Variants in ATP1B2 observed in about 807,000 individuals in gnomAD.
ATP1B2 encodes the protein ATPase Na+/K+ transporting subunit beta 2, also known as sodium/potassium-transporting ATPase subunit beta-2.
A neutral mutation model predicts 37.3 loss-of-function variants in ATP1B2; 12 were observed. That is an observed-to-expected ratio of 0.32 (90% CI 0.21 to 0.52). The LOEUF (loss-of-function observed/expected upper bound fraction) is 0.52. ATP1B2 is among the 20% of genes least tolerant of loss of function. The probability of loss-of-function intolerance (pLI) is 0.96; values close to 1 mark genes in which losing one functional copy is unlikely to be tolerated. For synonymous variants in ATP1B2, 139 were observed against 140.5 expected (o/e 0.99, Z 0.07); for missense variants, 324 against 391.6 (o/e 0.83, Z 1.46).
upstream of ATP1B2, among the ~76,000 whole-genome samples, chr17:7,649,828 G>A (rs769677743): frequency 2.0e-5 from 3 of 152,070 alleles, no homozygotes; most frequent in Non-Finnish European, 4.4e-5. Context: ...AAAGTGCTGG[G>A]ATTACTGGCG....
At chr17:7,646,698 T>C (rs1382871706), upstream of ATP1B2, 1 of 152,056 alleles carries the variant, frequency 6.6e-6, no homozygotes, top group East Asian at 1.9e-4. Flanking sequence ...CAGATGAGTA[T>C]AAGGTAAGCA....
At chr17:7,651,940 G>C (rs1054652270) in intron 1 of ATP1B2, among the ~76,000 whole-genome samples, 9 of 152,068 alleles carry the variant, frequency 5.9e-5, no homozygotes, top group Non-Finnish European at 1.2e-4. Flanking sequence ...CGCTCCACAC[G>C]GGCGTCCCCC....
At chr17:7,653,773 T>A in intron 2 of ATP1B2, 68 bp from the exon 3 acceptor site, 2 of 1,499,298 alleles carry the variant, frequency 1.3e-6, no homozygotes, top group South Asian at 2.3e-5. Context: ...CCTGTGTCCA[T>A]TTTCTTCCCT....
chr17:7,650,417 T>TG (rs1375752294), upstream of ATP1B2, among the ~76,000 whole-genome samples: 2 of 152,112 alleles, frequency 1.3e-5, no homozygotes, highest in Non-Finnish European at 2.9e-5. Context: ...AACGTCCCTC[T>TG]GGGGGTGGCC....
In ATP1B2 at chr17:7,651,229, G is replaced by A. The variant is rs984056134; in HGVS notation, c.-290G>A. The A allele has an allele frequency of 1.8e-5, 7 of 392,808 alleles. No homozygotes were observed. Among genetic ancestry groups the A allele is most frequent in the Non-Finnish European group, 3.3e-5 (7 of 212,348 alleles). The allele number at this position is 392,808 out of a possible 1,614,324, so 24.3% of individuals were successfully genotyped here. The stretch of plus-strand genomic sequence containing the variant: ...TCTAGACGGTTTGGTGGGGGGTGAA[G>A]CTGCATTCATACCCCTTCCTCTTGT... On this transcript the variant is annotated 5_prime_UTR_variant, in exon 1 of 7. Coordinates refer to ENST00000250111, the MANE Select transcript of ATP1B2 (RefSeq NM_001678.5).
chr17:7,656,841 T>G lies in ATP1B2; in HGVS notation c.*946T>G, dbSNP rs1455638190. On this transcript the variant is annotated 3_prime_UTR_variant, in exon 7 of 7. Transcript: ENST00000250111. ...CCGGCTAATTTCTTTCTTTCTTTTT[T>G]TTTTTTTTTGCATTTTTTAGTAGAG... 6.6e-6 allele frequency: 1 copy of G among 151,182 alleles called. No homozygotes were observed. The highest frequency in any genetic ancestry group is 1.5e-5 in the Non-Finnish European group (1 of 67,764). The allele number at this position is 151,182 out of a possible 1,614,324, so 9.4% of individuals were successfully genotyped here. A position where few individuals can be genotyped will look rare whatever the true frequency, so the allele number is the denominator to read the frequency against.
intron 1 of ATP1B2, 41 bp downstream of exon 1, chr17:7,651,671 G>A: frequency 2.6e-6 from 4 of 1,529,370 alleles, no homozygotes; most frequent in Non-Finnish European, 3.5e-6. Context: ...GAAAGCCGCG[G>A]GGCGACGCCT....
At position 7,655,656 on chromosome 17, in the gene ATP1B2, C is replaced by T. The variant is rs559593930; in HGVS notation, c.708+31C>T. Reference sequence around the variant, plus strand: ...TCCCAGGGGAGGCCCAGGCTGATGGCGGGTGCGGGTGGTGAGCTAGGGAAG... The same window carrying T: ...TCCCAGGGGAGGCCCAGGCTGATGGTGGGTGCGGGTGGTGAGCTAGGGAAG... On this transcript the variant is annotated intron_variant, in intron 6 of 6. Coordinates refer to ENST00000250111, the MANE Select transcript of ATP1B2 (RefSeq NM_001678.5). This position sits in a 1 kb window ranked among gnomAD's most constrained non-coding sequence, Gnocchi z 4.4. 1.9e-5 allele frequency: 30 copies of T among 1,613,858 alleles called. No homozygotes were observed. Among genetic ancestry groups the T allele is most frequent in the African/African-American group, 6.7e-5 (5 of 75,016 alleles).
intron 2 of ATP1B2, 129 bp from the exon 3 acceptor site, chr17:7,653,712 C>A: frequency 8.1e-7 from 1 of 1,238,236 alleles, no homozygotes; most frequent in South Asian, 1.4e-5. Flanking sequence ...GGAGATCACC[C>A]TCCCATGAAG....
At chr17:7,653,969 T>A (rs750365302) in intron 3 of ATP1B2, 24 bp downstream of exon 3, 16 of 1,613,816 alleles carry the variant, frequency 9.9e-6, no homozygotes, top group Non-Finnish European at 1.4e-5. Context: ...TGGTTATGTG[T>A]CAGTTCAAGA....
rs754289094 is a variant in ATP1B2, at chr17:7,651,638, G to C, written c.112+8G>C. On this transcript the variant is annotated splice_region_variant and intron_variant, in intron 1 of 6. Transcript: ENST00000250111. ...GCACCGGGACCAGCTGGGGTACGCA[G>C]GGCCGGCACGCAAGGGGCGGGGGAA... 6.3e-7 allele frequency: 1 copy of C among 1,586,158 alleles called. No homozygotes were observed. Among genetic ancestry groups the C allele is most frequent in the Admixed American group, 1.8e-5 (1 of 56,274 alleles).
rs1597336506 is a variant in ATP1B2 at position 7,656,149 on chromosome 17, A to AT, written c.*254_*255insT. 1.9e-6 allele frequency: 1 copy of AT among 534,440 alleles called. No individual in the cohort carries two copies. Among genetic ancestry groups the AT allele is most frequent in the East Asian group, 3.2e-5 (1 of 30,874 alleles). The allele number at this position is 534,440 out of a possible 1,614,324, so 33.1% of individuals were successfully genotyped here. On this transcript the variant is annotated 3_prime_UTR_variant, in exon 7 of 7. Coordinates refer to ENST00000250111, the MANE Select transcript of ATP1B2 (RefSeq NM_001678.5). ...AGCTGGGCTAAGATGGCCACGGAGGAGTTAGGAGCCTTTCTAGTTCTGGTT... is the reference window on the plus strand; with the variant it reads ...AGCTGGGCTAAGATGGCCACGGAGGATGTTAGGAGCCTTTCTAGTTCTGGTT...
rs200669756 is a variant in ATP1B2 at position 7,654,209 on chromosome 17, C to G, written c.504C>G (p.His168Gln). 3.2e-4 allele frequency: 509 copies of G among 1,614,192 alleles called. 1 individual carries two copies. Among genetic ancestry groups the G allele is most frequent in the Non-Finnish European group, 5.0e-5 (59 of 1,180,014 alleles). The part of the protein sequence containing the change: ...GNCSGIGDST[H>Q]YGYSTGQPCV... Reference sequence around the variant, plus strand: ...GCTCCGGCATTGGGGACTCCACCCACTATGGTTACAGCACTGGGCAGCCCT... The same window carrying G: ...GCTCCGGCATTGGGGACTCCACCCAGTATGGTTACAGCACTGGGCAGCCCT... The change falls in exon 4 of 7, where the codon CAC becomes CAG. Residue 168 changes from histidine to glutamine, a missense_variant. His to Gln is a conservative substitution (Grantham distance 24, BLOSUM62 0). Coordinates refer to ENST00000250111, the MANE Select transcript of ATP1B2 (RefSeq NM_001678.5). This position sits in a 1 kb window ranked among gnomAD's most constrained non-coding sequence, Gnocchi z 4.9.
At position 7,654,914 on chromosome 17, in the gene ATP1B2, G is replaced by C. The variant is rs879359945; in HGVS notation, c.609+230G>C. 1.9e-4 allele frequency: 101 copies of C among 541,036 alleles called. No individual in the cohort carries two copies. The highest frequency in any genetic ancestry group is 3.0e-4 in the Non-Finnish European group (92 of 302,378). 33.5% of individuals were successfully genotyped at this position (541,036 alleles called of 1,614,324 possible). A position where few individuals can be genotyped will look rare whatever the true frequency, so the allele number is the denominator to read the frequency against. The stretch of plus-strand genomic sequence containing the variant: ...GGGATGCAGAGGCCTGCTCTCCTAG[G>C]GGCCAGACACACGCCCTCCTCCACC... On this transcript the variant is annotated intron_variant, in intron 5 of 6. Transcript: ENST00000250111. This position sits in a 1 kb window ranked among gnomAD's most constrained non-coding sequence, Gnocchi z 4.9.
chr17:7,647,401 C>G (rs1219751775), upstream of ATP1B2, among the ~76,000 whole-genome samples: 2 of 152,196 alleles, frequency 1.3e-5, no homozygotes, highest in Non-Finnish European at 2.9e-5. Context: ...GGGGCTCACA[C>G]CTGCAATCCT....
chr17:7,648,807 T>G (rs1293606619), upstream of ATP1B2, among the ~76,000 whole-genome samples: 1 of 152,108 alleles, frequency 6.6e-6, no homozygotes, highest in Non-Finnish European at 1.5e-5. Flanking sequence ...CTTATTAGCC[T>G]GTAGGATAGA....
Position 7,654,247 on chromosome 17 carries a change from A to G in ATP1B2, c.542A>G (p.Lys181Arg), listed in dbSNP as rs753998361. 27 of 1,613,854 alleles carry G rather than the reference A, an allele frequency of 1.7e-5. No individual in the cohort carries two copies. The Admixed American group carries it at 3.2e-4, about 19-fold the overall frequency. ...YSTGQPCVFI[K>R]MNRVINFYAG... ...ACTGGGCAGCCCTGTGTCTTCATCA[A>G]GATGAACCGGGTATCTATGACCTTG... Residue 181 changes from lysine to arginine, a missense_variant, in exon 4 of 7, where the codon AAG becomes AGG. Coordinates refer to ENST00000250111, the MANE Select transcript of ATP1B2 (RefSeq NM_001678.5). This position sits in a 1 kb window ranked among gnomAD's most constrained non-coding sequence, Gnocchi z 4.9.
In ATP1B2 at chr17:7,650,995, C is replaced by G; in HGVS notation, c.-524C>G. ...CTGGCTGTCCCCCAGCTGCGCGTCC[C>G]CGCCCCACCCCCGCGGCTGAGCCAC... On this transcript the variant is annotated 5_prime_UTR_variant, in exon 1 of 7. Transcript: ENST00000250111. The G allele has an allele frequency of 6.4e-6, 1 of 156,660 alleles. No homozygotes were observed. The highest frequency in any genetic ancestry group is 1.9e-4 in the East Asian group (1 of 5,196). The allele number at this position is 156,660 out of a possible 1,614,324, so 9.7% of individuals were successfully genotyped here.
upstream of ATP1B2, among the ~76,000 whole-genome samples, chr17:7,649,638 C>T (rs1298185165): frequency 6.6e-6 from 1 of 151,864 alleles, no homozygotes; most frequent in Non-Finnish European, 1.5e-5. Flanking sequence ...CTGCAAGCTC[C>T]GCCTCCCGGG....
Sources: allele counts gnomAD v4.1 joint callset (sites outside exome capture counted in the v4.1 genomes callset), GRCh38; gene constraint gnomAD v4.1.1; non-coding constraint Gnocchi (gnomAD v3.1); transcripts MANE v1.5; gene names NCBI Gene and HGNC (gene_info 2026-07-23, HGNC 2026-07-21).